EPHA6: variants seen among roughly 807,000 people sequenced by gnomAD.
EPHA6 encodes ephrin type-A receptor 6.
A neutral mutation model predicts 112.0 loss-of-function variants in EPHA6; 50 were observed. That is an observed-to-expected ratio of 0.45 (90% CI 0.36 to 0.56). The LOEUF (loss-of-function observed/expected upper bound fraction) is 0.56, where lower values mean the gene tolerates loss of function less well. EPHA6 is among the 20% of genes least tolerant of loss of function. EPHA6 has a pLI of 0.00. For synonymous variants in EPHA6, 529 were observed against 490.7 expected, an observed-to-expected ratio of 1.08 and a Z score of -1.03; for missense variants, 1,280 against 1,417.4, an observed-to-expected ratio of 0.90 and a Z score of 1.56.
At chr3:97,198,505 C>G (rs891997292) in intron 3 of EPHA6, among the ~76,000 whole-genome samples, 1 of 141,216 alleles carries the variant, frequency 7.1e-6, no homozygotes, top group African/African-American at 2.9e-5. Flanking sequence ...TTTTTTGAGT[C>G]CACGCAGACT....
chr3:97,043,224 A>T (rs1247807811), intron 3 of EPHA6, among the ~76,000 whole-genome samples: 1 of 152,096 alleles, frequency 6.6e-6, no homozygotes, highest in Non-Finnish European at 1.5e-5. Flanking sequence ...CCTCAGTCCT[A>T]ATATAGGACC....
At chr3:97,208,662 G>A (rs978328530) in intron 3 of EPHA6, among the ~76,000 whole-genome samples, 50 of 152,010 alleles carry the variant, frequency 3.3e-4, no homozygotes, top group African/African-American at 1.2e-3. Flanking sequence ...CACAAGACTT[G>A]CTTGAACCCT....
chr3:97,682,453 C>G (rs1323977292), intron 14 of EPHA6, among the ~76,000 whole-genome samples: 1 of 151,792 alleles, frequency 6.6e-6, no homozygotes, highest in African/African-American at 2.4e-5. Context: ...TCCTTTTTTT[C>G]TATATATAAT....
At chr3:97,084,101 G>GATATATAT (rs141072928) in intron 3 of EPHA6, among the ~76,000 whole-genome samples, 1 of 103,578 alleles carries the variant, frequency 9.7e-6, no homozygotes, top group Non-Finnish European at 2.0e-5. Flanking sequence ...TGTGTGCATG[G>GATATATAT]ATATATATAT....
chr3:97,295,566 T>A (rs1192550200), intron 5 of EPHA6, among the ~76,000 whole-genome samples: 1 of 152,000 alleles, frequency 6.6e-6, no homozygotes, highest in African/African-American at 2.4e-5. Flanking sequence ...TTTTTTTTTT[T>A]TACTTTTATC....
At chr3:97,508,007 C>G (rs1303901649) in intron 10 of EPHA6, among the ~76,000 whole-genome samples, 1 of 152,046 alleles carries the variant, frequency 6.6e-6, no homozygotes, top group African/African-American at 2.4e-5. Context: ...GTGGTGATAT[C>G]TACTTTATCA....
chr3:96,837,471 C>T (rs1375528079), intron 1 of EPHA6, among the ~76,000 whole-genome samples: 2 of 152,038 alleles, frequency 1.3e-5, no homozygotes, highest in Non-Finnish European at 2.9e-5. Context: ...CATTCAAAGA[C>T]AAGGAACGAA....
intron 13 of EPHA6, among the ~76,000 whole-genome samples, chr3:97,635,995 A>C (rs1025427460): frequency 5.3e-5 from 8 of 152,056 alleles, no homozygotes; most frequent in African/African-American, 7.2e-5. Flanking sequence ...GCAAAAAAAA[A>C]CACATATAAT....
At chr3:97,367,256 T>G (rs893562043) in intron 5 of EPHA6, among the ~76,000 whole-genome samples, 9 of 152,204 alleles carry the variant, frequency 5.9e-5, no homozygotes. Flanking sequence ...TTCCTTTTTT[T>G]ATGTGAACCC....
chr3:97,127,804 T>C (rs972032738), intron 3 of EPHA6, among the ~76,000 whole-genome samples: 1 of 151,986 alleles, frequency 6.6e-6, no homozygotes, highest in African/African-American at 2.4e-5. Context: ...ACATAGTGTA[T>C]CCTGAATCCC....
At chr3:96,905,233 A>T (rs558935120) in intron 2 of EPHA6, among the ~76,000 whole-genome samples, 63 of 152,066 alleles carry the variant, frequency 4.1e-4, no homozygotes, top group Admixed American at 1.8e-3. Flanking sequence ...TTTTGTGATG[A>T]CTTGGGTCTG....
chr3:97,374,443 A>T (rs183949283), intron 5 of EPHA6, among the ~76,000 whole-genome samples: 4 of 152,124 alleles, frequency 2.6e-5, no homozygotes, highest in Non-Finnish European at 4.4e-5. Context: ...CCATGATGTC[A>T]TTCTCTCTTC....
chr3:97,473,129 T>TCC (rs2091274797), intron 7 of EPHA6, among the ~76,000 whole-genome samples: 3 of 151,766 alleles, frequency 2.0e-5, no homozygotes, highest in Admixed American at 2.0e-4. Context: ...TCACAATCTA[T>TCC]AGCATTTTAC....
intron 3 of EPHA6, among the ~76,000 whole-genome samples, chr3:97,109,006 G>A (rs550772620): frequency 6.6e-6 from 1 of 152,222 alleles, no homozygotes; most frequent in South Asian, 2.1e-4. Context: ...AGTGACAGAT[G>A]GCAGGCTACA....
intron 5 of EPHA6, among the ~76,000 whole-genome samples, chr3:97,340,609 C>G (rs955393346): frequency 6.6e-6 from 1 of 152,172 alleles, no homozygotes; most frequent in Non-Finnish European, 1.5e-5. Flanking sequence ...ATACTCCAGT[C>G]TGGGTGGCTA....
At chr3:97,635,858 G>A (rs750623397) in intron 13 of EPHA6, among the ~76,000 whole-genome samples, 18 of 152,054 alleles carry the variant, frequency 1.2e-4, no homozygotes, top group Non-Finnish European at 1.9e-4. Flanking sequence ...TGACACACTC[G>A]GCATAGATAG....
intron 5 of EPHA6, among the ~76,000 whole-genome samples, chr3:97,273,817 G>A (rs55836241): frequency 7.9e-5 from 12 of 152,278 alleles, no homozygotes; most frequent in African/African-American, 2.6e-4. Flanking sequence ...GGGAAGAAAT[G>A]ACCGCAGTGG....
intron 1 of EPHA6, among the ~76,000 whole-genome samples, chr3:96,850,786 T>A (rs866388322): frequency 8.5e-5 from 13 of 152,230 alleles, no homozygotes; most frequent in South Asian, 8.3e-4. Context: ...ATTTTATGAC[T>A]AAGAAGGCAT....
chr3:97,320,412 G>T (rs747828339), intron 5 of EPHA6, among the ~76,000 whole-genome samples: 50 of 151,740 alleles, frequency 3.3e-4, no homozygotes, highest in Middle Eastern at 3.2e-3. Flanking sequence ...GTAATTGGGG[G>T]TCTGAAATAC....
Sources: gnomAD v4.1 joint callset for allele counts (sites outside exome capture counted in the v4.1 genomes callset) on GRCh38, gnomAD v4.1.1 for gene constraint, MANE v1.5 for transcripts, NCBI Gene and HGNC (gene_info 2026-07-23, HGNC 2026-07-21) for gene names.